The following NFIA variants were observed in gnomAD, a reference collection of about 807,000 sequenced individuals.
NFIA encodes the protein nuclear factor I A.
In NFIA, 8 loss-of-function variants were observed where a neutral mutation model predicts 62.8. The observed-to-expected ratio is 0.13, with a 90% CI of 0.07 to 0.23. The LOEUF is 0.23. Among genes scored for constraint, NFIA ranks in the 10% least tolerant of loss-of-function variants. The pLI is 1.00. For missense variants in NFIA, 410 were observed against 642.1 expected (o/e 0.64, Z 3.91); for synonymous variants, 235 against 238.1 (o/e 0.99, Z 0.12).
intron 2 of NFIA, among the ~76,000 whole-genome samples, chr1:61,242,718 T>C (rs1011660988): frequency 6.6e-6 from 1 of 152,200 alleles, no homozygotes; most frequent in Non-Finnish European, 1.5e-5. Flanking sequence ...TATATTCTGA[T>C]TGAGACCTGC....
chr1:61,121,418 C>A (rs573469963), intron 2 of NFIA, among the ~76,000 whole-genome samples: 1 of 151,994 alleles, frequency 6.6e-6, no homozygotes, highest in Non-Finnish European at 1.5e-5. Context: ...GAGTAAAATG[C>A]GTGCACAGGA....
At chr1:61,263,989 T>TAAA (rs967219360) in intron 2 of NFIA, among the ~76,000 whole-genome samples, 4 of 144,184 alleles carry the variant, frequency 2.8e-5, no homozygotes, top group Non-Finnish European at 4.6e-5. Context: ...GACTCTGACT[T>TAAA]AAAAAAAAAA....
At chr1:61,144,227 C>T (rs1177744566) in intron 2 of NFIA, among the ~76,000 whole-genome samples, 1 of 152,194 alleles carries the variant, frequency 6.6e-6, no homozygotes, top group Non-Finnish European at 1.5e-5. Context: ...TGTTGGTCCC[C>T]ACCCCCGACT....
intron 2 of NFIA, among the ~76,000 whole-genome samples, chr1:61,104,975 C>T (rs1646570990): frequency 6.6e-6 from 1 of 151,918 alleles, no homozygotes; most frequent in African/African-American, 2.4e-5. Flanking sequence ...AAAAAACTTA[C>T]ATTCTAATTA....
intron 2 of NFIA, among the ~76,000 whole-genome samples, chr1:61,161,346 A>G (rs1649186909): frequency 6.6e-6 from 1 of 152,232 alleles, no homozygotes; most frequent in South Asian, 2.1e-4. Context: ...ATCTTTATGT[A>G]CAGAGAAGAC....
At chr1:61,278,537 C>A (rs1272676574) in intron 3 of NFIA, among the ~76,000 whole-genome samples, 1 of 151,992 alleles carries the variant, frequency 6.6e-6, no homozygotes, top group Non-Finnish European at 1.5e-5. Flanking sequence ...CACCTGTAAT[C>A]CCAGCACTTT....
rs185893532 is a variant in NFIA, at chr1:61,182,955, A to G, written c.559+94275A>G. On this transcript the variant is annotated intron_variant, in intron 2 of 10. Transcript: ENST00000403491. Reference sequence around the variant, plus strand: ...GACAGCTACATGCTTAGCATTAACTATACTTGCAAGTTTTCCAAAAAGATT... The same window carrying G: ...GACAGCTACATGCTTAGCATTAACTGTACTTGCAAGTTTTCCAAAAAGATT... Among the ~76,000 whole-genome samples, 305 of 152,348 alleles carry G rather than the reference A, an allele frequency of 2.0e-3. 5 individuals carry two copies. The highest frequency in any genetic ancestry group is 6.0e-4 in the Non-Finnish European group (41 of 68,034).
intron 3 of NFIA, among the ~76,000 whole-genome samples, chr1:61,325,932 C>CAAAAAAAAAAAAAAAAAAAAAAAAAAAAA (rs36122626): frequency 1.1e-5 from 1 of 87,910 alleles, no homozygotes; most frequent in Non-Finnish European, 2.1e-5. Context: ...GACTCTGTCT[C>CAAAAAAAAAAAAAAAAAAAAAAAAAAAAA]AAAAAAAAAA....
intron 3 of NFIA, among the ~76,000 whole-genome samples, chr1:61,292,130 T>C (rs1281921065): frequency 4.6e-5 from 7 of 152,168 alleles, no homozygotes; most frequent in Non-Finnish European, 2.9e-5. Flanking sequence ...GAATGCATTA[T>C]TAGAAATAAA....
At chr1:61,452,254 A>AATTATTATT (rs57519983) in intron 10 of NFIA, among the ~76,000 whole-genome samples, 83 of 148,212 alleles carry the variant, frequency 5.6e-4, no homozygotes, top group Admixed American at 8.7e-4. Context: ...GAGATGTATG[A>AATTATTATT]ATTATTATTA....
chr1:61,189,064 A>T (rs1019406799), intron 2 of NFIA, among the ~76,000 whole-genome samples: 4 of 152,210 alleles, frequency 2.6e-5, no homozygotes, highest in Non-Finnish European at 5.9e-5. Context: ...GACCAAGGAG[A>T]TAACTGTAAT....
chr1:61,369,615 A>G (rs1242153809), intron 6 of NFIA, among the ~76,000 whole-genome samples: 1 of 152,144 alleles, frequency 6.6e-6, no homozygotes, highest in Admixed American at 6.5e-5. Context: ...CAGTGTAGCT[A>G]TTTTATAGAC....
intron 3 of NFIA, among the ~76,000 whole-genome samples, chr1:61,329,094 C>T (rs998139098): frequency 5.9e-4 from 87 of 146,822 alleles, no homozygotes; most frequent in Non-Finnish European, 1.2e-3. Flanking sequence ...GTCGCCCAGG[C>T]TGGAGTGCAG....
At chr1:61,225,257 C>CT (rs200678109) in intron 2 of NFIA, among the ~76,000 whole-genome samples, 127 of 144,560 alleles carry the variant, frequency 8.8e-4, no homozygotes, top group East Asian at 4.4e-3. Context: ...GTCCATAGTA[C>CT]TTTTTTTTTT....
At chr1:61,305,835 T>A (rs982843457) in intron 3 of NFIA, among the ~76,000 whole-genome samples, 1 of 151,716 alleles carries the variant, frequency 6.6e-6, no homozygotes, top group Non-Finnish European at 1.5e-5. Context: ...AGACACTGTC[T>A]TCTTTTGATT....
chr1:61,095,612 A>G (rs1331679773), intron 2 of NFIA, among the ~76,000 whole-genome samples: 1 of 152,236 alleles, frequency 6.6e-6, no homozygotes, highest in Non-Finnish European at 1.5e-5. Context: ...GATGTTAGCC[A>G]CAGAATGAGG....
chr1:61,155,212 G>T (rs967681339), intron 2 of NFIA, among the ~76,000 whole-genome samples: 17 of 152,118 alleles, frequency 1.1e-4, no homozygotes, highest in Admixed American at 9.8e-4. Flanking sequence ...ATTTCTGAGC[G>T]TTGAGGTTTT....
chr1:61,195,241 G>T (rs927672138), intron 2 of NFIA, among the ~76,000 whole-genome samples: 4 of 152,088 alleles, frequency 2.6e-5, no homozygotes, highest in Non-Finnish European at 4.4e-5. Flanking sequence ...TTGCTCAATT[G>T]GGATTCCTTT....
At chr1:61,090,549 G>C (rs1646302555) in intron 2 of NFIA, among the ~76,000 whole-genome samples, 1 of 152,148 alleles carries the variant, frequency 6.6e-6, no homozygotes, top group Non-Finnish European at 1.5e-5. Context: ...GTTTGTTACT[G>C]TGCTATTGCT....
Sources: gnomAD v4.1 joint callset for allele counts (sites outside exome capture counted in the v4.1 genomes callset) on GRCh38, gnomAD v4.1.1 for gene constraint, MANE v1.5 for transcripts, NCBI Gene and HGNC (gene_info 2026-07-23, HGNC 2026-07-21) for gene names.